The following TNRC18 variants were observed in gnomAD, a reference collection of about 807,000 sequenced individuals.
The protein encoded by TNRC18 is trinucleotide repeat containing 18, also known as trinucleotide repeat-containing gene 18 protein.
In TNRC18, 69 loss-of-function variants were observed where a neutral mutation model predicts 226.7. The observed-to-expected ratio is 0.30, with a 90% confidence interval of 0.25 to 0.37. The LOEUF (loss-of-function observed/expected upper bound fraction) is 0.37. Among genes scored for constraint, TNRC18 ranks in the 10% least tolerant of loss-of-function variants. The pLI, the probability that TNRC18 is intolerant of heterozygous loss-of-function variation, is 1.00. For synonymous variants in TNRC18, 2,449 were observed against 1,927.6 expected (o/e 1.27, Z -7.09); for missense variants, 4,754 against 4,256.6 (o/e 1.12, Z -3.25).
At position 5,324,151 on chromosome 7, in the gene TNRC18, C is replaced by A; in HGVS notation, c.6442+63G>T. 6.6e-7 allele frequency: 1 copy of A among 1,517,022 alleles called. No homozygotes were observed. 94.0% of individuals were successfully genotyped at this position (1,517,022 alleles called of 1,614,324 possible). The stretch of plus-strand genomic sequence containing the variant: ...CTTCAGTCTCAAGCCTTGCTCAGAT[C>A]TGCCTCCCCCAAGGGAGGCTCCAGC... On this transcript the variant is annotated intron_variant, in intron 21 of 29. Coordinates refer to ENST00000430969, the MANE Select transcript of TNRC18 (RefSeq NM_001080495.3). This position sits in a 1 kb window ranked among gnomAD's most constrained non-coding sequence, Gnocchi z 4.8.
At chr7:5,345,526 A>AC in intron 18 of TNRC18, 36 bp downstream of exon 18, 15 of 177,468 alleles carry the variant, frequency 8.5e-5, no homozygotes, top group East Asian at 1.3e-4. Flanking sequence ...CGCCCCTCCC[A>AC]CCCACCCCCA....
intron 19 of TNRC18, among the ~76,000 whole-genome samples, chr7:5,327,464 T>G (rs945043866): frequency 2.0e-5 from 3 of 151,800 alleles, no homozygotes; most frequent in Admixed American, 2.0e-4. Context: ...CAAGTCATCC[T>G]TCTGGAATCA....
intron 21 of TNRC18, among the ~76,000 whole-genome samples, chr7:5,323,351 G>A (rs188675182): frequency 1.7e-5 from 2 of 118,340 alleles, no homozygotes; most frequent in Non-Finnish European, 3.5e-5. Context: ...CCCCACACCT[G>A]TCCTCACCCT....
Position 5,332,750 on chromosome 7 carries a change from C to T in TNRC18, c.6019G>A (p.Ala2007Thr). 1 of 1,520,824 alleles carries T rather than the reference C, an allele frequency of 6.6e-7. No homozygotes were observed. The highest frequency in any genetic ancestry group is 8.8e-7 in the Non-Finnish European group (1 of 1,139,980). 94.2% of individuals were successfully genotyped at this position (1,520,824 alleles called of 1,614,324 possible). A position where few individuals can be genotyped will look rare whatever the true frequency, so the allele number is the denominator to read the frequency against. Residue 2007 changes from alanine to threonine, a missense_variant, in exon 19 of 30, where the codon GCC becomes ACC. Ala to Thr is a moderately conservative substitution (Grantham distance 58). Transcript: ENST00000430969. ...ACGGGCGCAGGTGCAGCAGCCGAGG[C>T]GTCGTGCAGGAAGATGCGCTCGCTG... is the stretch of plus-strand genomic sequence containing the variant. ...RRSERIFLHD[A>T]SAAAPAPVST...
chr7:5,324,964 G>C lies in TNRC18; in HGVS notation c.6300+132C>G. On this transcript the variant is annotated intron_variant, in intron 20 of 29. Coordinates refer to ENST00000430969, the MANE Select transcript of TNRC18 (RefSeq NM_001080495.3). This position sits in a 1 kb window ranked among gnomAD's most constrained non-coding sequence, Gnocchi z 4.8. ...GTGTGGGGACGGCCACATCACCCTC[G>C]TCACCCGCAACCTCTCTGAGCCACA... The C allele has an allele frequency of 9.1e-6, 10 of 1,099,934 alleles. No homozygotes were observed. Among genetic ancestry groups the C allele is most frequent in the South Asian group, 1.7e-5 (1 of 59,932 alleles). 68.1% of individuals were successfully genotyped at this position (1,099,934 alleles called of 1,614,324 possible). A position where few individuals can be genotyped will look rare whatever the true frequency, so the allele number is the denominator to read the frequency against.
chr7:5,410,860 CAAAAAAA>C (rs34320785), intron 2 of TNRC18, among the ~76,000 whole-genome samples: 32 of 37,180 alleles, frequency 8.6e-4, no homozygotes, highest in South Asian at 5.4e-3. Context: ...GACTCCATCT[CAAAAAAA>C]AAAAAAAAAA....
At chr7:5,398,045 G>A (rs960102273) in intron 2 of TNRC18, among the ~76,000 whole-genome samples, 7 of 152,054 alleles carry the variant, frequency 4.6e-5, no homozygotes, top group African/African-American at 1.7e-4. Context: ...AATTCACCCA[G>A]GCTGCAGTGC....
At chr7:5,391,282 C>G (rs1046805167) in intron 3 of TNRC18, among the ~76,000 whole-genome samples, 1 of 152,004 alleles carries the variant, frequency 6.6e-6, no homozygotes, top group Non-Finnish European at 1.5e-5. Flanking sequence ...ATGCCCAGCA[C>G]CAGCATCAGG....
Position 5,371,045 on chromosome 7 carries a change from G to A in TNRC18, c.3549C>T (p.Ala1183=), listed in dbSNP as rs182116138. Residue 1183 remains alanine (A), a synonymous_variant, in exon 11 of 30, where the codon GCC becomes GCT. Transcript: ENST00000430969. ...PPLESPLPLP[A]AEAMATPSPA... is the part of the protein sequence containing the mutation. ...GGCTGGGGGTAGCCATGGCTTCCGC[G>A]GCGGGCAGTGGCAGCGGCGACTCCA... is the stretch of plus-strand genomic sequence containing the variant. 7.3e-4 allele frequency: 1,173 copies of A among 1,610,422 alleles called. 11 individuals are homozygous for A. The East Asian group carries it at 0.022, about 30-fold the overall frequency.
chr7:5,360,049 C>G (rs934251096), intron 14 of TNRC18, among the ~76,000 whole-genome samples: 1 of 151,834 alleles, frequency 6.6e-6, no homozygotes, highest in Non-Finnish European at 1.5e-5. Context: ...GCAGTGGGGA[C>G]ACAGACATGG....
At position 5,360,201 on chromosome 7, in the gene TNRC18, T is replaced by C. The variant is rs35185497; in HGVS notation, c.4662-632A>G. Among the ~76,000 whole-genome samples, 20 of 151,282 alleles carry C rather than the reference T, an allele frequency of 1.3e-4. No homozygotes were observed. In the East Asian group the frequency reaches 3.5e-3, roughly 26 times the overall value. Reference sequence around the variant, plus strand: ...TGGCCACAAACGTTTGCTGCTGCTGTATTTTATTTATTTATTTATTTATTT... The same window carrying C: ...TGGCCACAAACGTTTGCTGCTGCTGCATTTTATTTATTTATTTATTTATTT... On this transcript the variant is annotated intron_variant, in intron 14 of 29. Coordinates refer to ENST00000430969, the MANE Select transcript of TNRC18 (RefSeq NM_001080495.3).
chr7:5,326,697 C>T (rs1024621695), intron 19 of TNRC18, among the ~76,000 whole-genome samples: 1 of 152,114 alleles, frequency 6.6e-6, no homozygotes, highest in Non-Finnish European at 1.5e-5. Context: ...ATCTCAGCTA[C>T]TCGGGTGGCT....
chr7:5,389,295 G>T lies in TNRC18; in HGVS notation c.529C>A (p.His177Asn). 7.8e-7 allele frequency: 1 copy of T among 1,287,118 alleles called. No homozygotes were observed. Among genetic ancestry groups the T allele is most frequent in the Non-Finnish European group, 9.8e-7 (1 of 1,018,112 alleles). 79.7% of individuals were successfully genotyped at this position (1,287,118 alleles called of 1,614,324 possible). A position where few individuals can be genotyped will look rare whatever the true frequency, so the allele number is the denominator to read the frequency against. The change falls in exon 5 of 30, where the codon CAC becomes AAC. Residue 177 changes from histidine to asparagine, a missense_variant. Physicochemically the swap from His to Asn is moderately conservative, Grantham distance 68 (BLOSUM62 1). Transcript: ENST00000430969. ...LPTAGAPGSL[H>N]SHAPSARTPG... ...GTCCGGGCCGAGGGCGCGTGAGAGT[G>T]CAGGGAGCCCGGAGCCCCCGCGGTG... is the stretch of plus-strand genomic sequence containing the variant.
chr7:5,328,008 G>A lies in TNRC18; in HGVS notation c.6148-2760C>T, dbSNP rs1413085279. ...AAGCCAAGGCAGGCGGATCACTTGA[G>A]GCCAGGAGTTCGAGACCAGCCCAGC... On this transcript the variant is annotated intron_variant, in intron 19 of 29. Coordinates refer to ENST00000430969, the MANE Select transcript of TNRC18 (RefSeq NM_001080495.3). Among the ~76,000 whole-genome samples, 3 of 152,120 alleles carry A rather than the reference G, an allele frequency of 2.0e-5. No individual in the cohort carries two copies. The East Asian group carries it at 5.8e-4, about 29-fold the overall frequency.
At chr7:5,345,517 G>GGACCCCCCC in intron 18 of TNRC18, 45 bp downstream of exon 18, 1 of 377,744 alleles carries the variant, frequency 2.6e-6, no homozygotes, top group Non-Finnish European at 4.8e-6. Context: ...AATGGCGTCC[G>GGACCCCCCC]CCCCTCCCAC....
intron 24 of TNRC18, among the ~76,000 whole-genome samples, chr7:5,317,848 G>A (rs1200043929): frequency 6.6e-6 from 1 of 151,716 alleles, no homozygotes; most frequent in East Asian, 1.9e-4. Context: ...TAGGACAACA[G>A]GTGCACACCA....
intron 10 of TNRC18, 83 bp downstream of exon 10, chr7:5,373,972 G>C: frequency 8.7e-7 from 1 of 1,151,124 alleles, no homozygotes; most frequent in South Asian, 1.8e-5. Context: ...ACGAACGATC[G>C]AACGGGTCAA....
chr7:5,405,816 C>A (rs1781427835), intron 2 of TNRC18, among the ~76,000 whole-genome samples: 1 of 152,074 alleles, frequency 6.6e-6, no homozygotes, highest in African/African-American at 2.4e-5. Flanking sequence ...ATAATCCCAA[C>A]ATTTTGAGAA....
At chr7:5,413,158 G>A (rs1418484505) in intron 2 of TNRC18, among the ~76,000 whole-genome samples, 8 of 152,164 alleles carry the variant, frequency 5.3e-5, no homozygotes, top group African/African-American at 1.9e-4. Context: ...CTGAAAAGCC[G>A]GGGCAAGGGT....
Sources: gnomAD v4.1 joint callset for allele counts (sites outside exome capture counted in the v4.1 genomes callset) on GRCh38, gnomAD v4.1.1 for gene constraint, Gnocchi (gnomAD v3.1) non-coding constraint, MANE v1.5 for transcripts, NCBI Gene and HGNC (gene_info 2026-07-23, HGNC 2026-07-21) for gene names.